BTN2A2: variants seen among roughly 807,000 people sequenced by gnomAD.
BTN2A2 encodes the protein butyrophilin 2.
Under a neutral mutation model 34.7 loss-of-function variants are expected in BTN2A2, and 29 were observed. The observed-to-expected ratio is 0.84, with a 90% CI of 0.62 to 1.14. The LOEUF is 1.14. BTN2A2 is among the 50% of genes most tolerant of loss of function. BTN2A2 has a pLI of 0.00. For missense variants in BTN2A2, 612 were observed against 651.5 expected, an observed-to-expected ratio of 0.94 and a Z score of 0.66; for synonymous variants, 240 against 253.1, an observed-to-expected ratio of 0.95 and a Z score of 0.49.
At position 26,394,497 on chromosome 6, in the gene BTN2A2, T is replaced by A; in HGVS notation, c.*1530T>A. The A allele has an allele frequency of 1.8e-6, 1 of 561,984 alleles. No individual in the cohort carries two copies. Among genetic ancestry groups the A allele is most frequent in the Non-Finnish European group, 3.2e-6 (1 of 313,100 alleles). The allele number at this position is 561,984 out of a possible 1,614,324, so 34.8% of individuals were successfully genotyped here. The stretch of plus-strand genomic sequence containing the variant: ...CTCCTCTGGAGCTGAGACACTCTTC[T>A]TCTTCTGCCCTTGGACATCAGAACT... On this transcript the variant is annotated 3_prime_UTR_variant, in exon 8 of 8. Coordinates refer to ENST00000356709, the MANE Select transcript of BTN2A2 (RefSeq NM_006995.5).
Position 26,392,409 on chromosome 6 carries a change from C to T in BTN2A2, c.1014C>T (p.Pro338=), listed in dbSNP as rs370826490. ...DVVLDPDTAH[P]ELFLSEDRRS... is the part of the protein sequence containing the mutation. ...TCCTGGATCCAGACACCGCTCATCC[C>T]GAGCTCTTCCTGTCAGAGGACCGGA... The change falls in exon 8 of 8, where the codon CCC becomes CCT. Residue 338 remains proline, a synonymous_variant. Coordinates refer to ENST00000356709, the MANE Select transcript of BTN2A2 (RefSeq NM_006995.5). The T allele has an allele frequency of 8.7e-6, 14 of 1,614,094 alleles. No homozygotes were observed. Among genetic ancestry groups the T allele is most frequent in the African/African-American group, 5.3e-5 (4 of 74,926 alleles).
At chr6:26,392,284 T>C (rs1761625296) in intron 7 of BTN2A2, 91 bp from the exon 8 acceptor site, 2 of 1,598,536 alleles carry the variant, frequency 1.3e-6, no homozygotes, top group African/African-American at 1.3e-5. Context: ...GGAACCCCCT[T>C]CAGCTTTCTG....
At position 26,392,566 on chromosome 6, in the gene BTN2A2, G is replaced by T. The variant is rs372254650; in HGVS notation, c.1171G>T (p.Val391Leu). The T allele has an allele frequency of 6.2e-6, 10 of 1,614,108 alleles. No individual in the cohort carries two copies. The East Asian group carries it at 8.9e-5, about 14-fold the overall frequency. Reference sequence around the variant, plus strand: ...TTACTGGGAGGTGGAGGTGGAAAACGTGATGGTGTGGACTGTGGGGGTCTG... The same window carrying T: ...TTACTGGGAGGTGGAGGTGGAAAACTTGATGGTGTGGACTGTGGGGGTCTG... ...KHYWEVEVEN[V>L]MVWTVGVCRH... Residue 391 changes from valine (V) to leucine (L), a missense_variant, in exon 8 of 8, where the codon GTG becomes TTG. Coordinates refer to ENST00000356709, the MANE Select transcript of BTN2A2 (RefSeq NM_006995.5).
rs1391713927 is a variant in BTN2A2, at chr6:26,392,523, C to A, written c.1128C>A (p.Ser376Arg). The A allele has an allele frequency of 5.6e-6, 9 of 1,614,100 alleles. No homozygotes were observed. The highest frequency in any genetic ancestry group is 1.1e-5 in the South Asian group (1 of 91,092). Residue 376 changes from serine (S) to arginine (R), a missense_variant, in exon 8 of 8, where the codon AGC (serine) becomes AGA (arginine). Coordinates refer to ENST00000356709, the MANE Select transcript of BTN2A2 (RefSeq NM_006995.5). The stretch of plus-strand genomic sequence containing the variant: ...AGCCTTGTGTCCTGGGATGGGAGAG[C>A]TTCGCCTCAGGGAAACATTACTGGG... The part of the protein sequence containing the change: ...DSQPCVLGWE[S>R]FASGKHYWEV...
chr6:26,391,319 G>A (rs1761562286), intron 7 of BTN2A2: 1 of 176,732 alleles, frequency 5.7e-6, no homozygotes, highest in Non-Finnish European at 1.2e-5. Context: ...CTCTAAGAGA[G>A]CACTGATATT....
Position 26,393,131 on chromosome 6 carries a change from TCTC to T in BTN2A2, c.*171_*173del. 11 of 1,606,366 alleles carry T rather than the reference TCTC, an allele frequency of 6.8e-6. No individual in the cohort carries two copies. The highest frequency in any genetic ancestry group is 9.4e-6 in the Non-Finnish European group (11 of 1,176,146). On this transcript the variant is annotated 3_prime_UTR_variant, in exon 8 of 8. Coordinates refer to ENST00000356709, the MANE Select transcript of BTN2A2 (RefSeq NM_006995.5). ...CCACTCCAGCCCTCTGCCCCAGTTT[TCTC>T]CTCCTCACTAGTCTGTGGCTTTAGT...
At chr6:26,387,127 G>A (rs1196656769) in intron 3 of BTN2A2, among the ~76,000 whole-genome samples, 1 of 152,164 alleles carries the variant, frequency 6.6e-6, no homozygotes, top group African/African-American at 2.4e-5. Flanking sequence ...TATTTAGGAT[G>A]AGCCTGAATT....
At position 26,392,482 on chromosome 6, in the gene BTN2A2, G is replaced by T; in HGVS notation, c.1087G>T (p.Glu363Ter). Residue 363 changes from glutamate to a stop codon, truncating the protein, a stop_gained, in exon 8 of 8, where the codon GAG becomes TAG. Transcript: ENST00000356709. LOFTEE classifies it low-confidence loss of function (END_TRUNC). ...PYRQRVPDNPERFDSQPCVLG... is the reference protein window; with the variant it reads ...PYRQRVPDNP ...CAGGCAGAGAGTGCCTGACAACCCAGAGAGATTCGACAGTCAGCCTTGTGT... is the reference window on the plus strand; with the variant it reads ...CAGGCAGAGAGTGCCTGACAACCCATAGAGATTCGACAGTCAGCCTTGTGT... 6.2e-7 allele frequency: 1 copy of T among 1,614,260 alleles called. No homozygotes were observed. The highest frequency in any genetic ancestry group is 1.7e-5 in the Admixed American group (1 of 60,028).
rs771070128 is a variant in BTN2A2 at position 26,388,191 on chromosome 6, C to T, written c.621C>T (p.Val207=). ...SIADADGLFM[V]TTAVIIRDKY... ...CTGATGCTGACGGCCTCTTCATGGT[C>T]ACCACAGCTGTGATCATCAGAGACA... is the stretch of plus-strand genomic sequence containing the variant. Residue 207 remains valine, a synonymous_variant, in exon 4 of 8, where the codon GTC becomes GTT. Transcript: ENST00000356709. The T allele has an allele frequency of 6.2e-7, 1 of 1,614,218 alleles. No individual in the cohort carries two copies. The highest frequency in any genetic ancestry group is 1.1e-5 in the South Asian group (1 of 91,086).
Position 26,385,255 on chromosome 6 carries a change from T to C in BTN2A2, c.335T>C (p.Val112Ala). 1 of 1,614,148 alleles carries C rather than the reference T, an allele frequency of 6.2e-7. No homozygotes were observed. The highest frequency in any genetic ancestry group is 8.5e-7 in the Non-Finnish European group (1 of 1,180,028). Residue 112 changes from valine to alanine, a missense_variant, in exon 3 of 8, where the codon GTG becomes GCG. By Grantham distance (64) the Val-to-Ala change is moderately conservative (BLOSUM62 0). Coordinates refer to ENST00000356709, the MANE Select transcript of BTN2A2 (RefSeq NM_006995.5). The part of the protein sequence containing the change: ...FVSKDINRGS[V>A]ALVIHNVTAQ... ...AGCAAAGACATCAACAGGGGCAGCG[T>C]GGCCCTGGTCATACATAACGTCACA...
intron 3 of BTN2A2, among the ~76,000 whole-genome samples, chr6:26,386,653 C>A (rs1308306866): frequency 6.6e-6 from 1 of 152,210 alleles, no homozygotes; most frequent in East Asian, 1.9e-4. Flanking sequence ...GTAAAACCAA[C>A]CCTGTCCTGG....
At chr6:26,389,139 G>A (rs181979617) in intron 4 of BTN2A2, among the ~76,000 whole-genome samples, 3 of 151,922 alleles carry the variant, frequency 2.0e-5, no homozygotes, top group Non-Finnish European at 4.4e-5. Flanking sequence ...AAAAAAGGGA[G>A]CGCGAGAGAG....
Position 26,390,229 on chromosome 6 carries a change from A to G in BTN2A2, c.931+18A>G, listed in dbSNP as rs755081544. ...AATTGCACGTAAGGAATTTGTAAAG[A>G]AAGTGTGGAAAAATAGAAAGAAATT... On this transcript the variant is annotated intron_variant, in intron 5 of 7. Transcript: ENST00000356709. 3.7e-6 allele frequency: 6 copies of G among 1,606,902 alleles called. No homozygotes were observed. Among genetic ancestry groups the G allele is most frequent in the East Asian group, 4.5e-5 (2 of 44,790 alleles).
At chr6:26,389,906 G>T in intron 4 of BTN2A2, 99 bp from the exon 5 acceptor site, 1 of 1,166,644 alleles carries the variant, frequency 8.6e-7, no homozygotes, top group South Asian at 1.5e-5. Context: ...GAAGCCAACA[G>T]AACAGGTGGC....
At position 26,392,456 on chromosome 6, in the gene BTN2A2, A is replaced by G. The variant is rs775364267; in HGVS notation, c.1061A>G (p.Tyr354Cys). The G allele has an allele frequency of 2.6e-5, 42 of 1,614,100 alleles. No individual in the cohort carries two copies. Among genetic ancestry groups the G allele is most frequent in the Non-Finnish European group, 3.3e-5 (39 of 1,180,048 alleles). ...CGGAGAAGTGTGAGGCGGGGCCCCT[A>G]CAGGCAGAGAGTGCCTGACAACCCA... The part of the protein sequence containing the change: ...EDRRSVRRGP[Y>C]RQRVPDNPER... Residue 354 changes from tyrosine to cysteine, a missense_variant, in exon 8 of 8, where the codon TAC becomes TGC. Physicochemically the swap from Tyr to Cys is radical, Grantham distance 194 (BLOSUM62 -2). Transcript: ENST00000356709.
intron 7 of BTN2A2, 43 bp downstream of exon 7, chr6:26,390,872 A>T (rs201272391): frequency 9.3e-6 from 15 of 1,613,204 alleles, no homozygotes; most frequent in African/African-American, 1.3e-5. Context: ...CTTTCTCCCC[A>T]CTAGCCAGCT....
chr6:26,387,434 T>A (rs1214911321), intron 3 of BTN2A2, among the ~76,000 whole-genome samples: 1 of 152,108 alleles, frequency 6.6e-6, no homozygotes, highest in Non-Finnish European at 1.5e-5. Context: ...AAAAAGTTTC[T>A]TAAGATTTAG....
intron 4 of BTN2A2, among the ~76,000 whole-genome samples, chr6:26,388,712 T>G (rs542438475): frequency 1.3e-5 from 2 of 152,326 alleles, no homozygotes; most frequent in African/African-American, 4.8e-5. Context: ...CATTCATAAA[T>G]GTATTCAACA....
Position 26,383,660 on chromosome 6 carries a change from A to C in BTN2A2, c.-30-132A>C. Reference sequence around the variant, plus strand: ...GGAATCCCTCTTTCGGAGATACCTGAGCCTTGAGATGCAAGCGACTCCCAG... The same window carrying C: ...GGAATCCCTCTTTCGGAGATACCTGCGCCTTGAGATGCAAGCGACTCCCAG... On this transcript the variant is annotated intron_variant, in intron 1 of 7. Coordinates refer to ENST00000356709, the MANE Select transcript of BTN2A2 (RefSeq NM_006995.5). The surrounding 1 kb of genome is among the most constrained non-coding windows in gnomAD (Gnocchi z 4.4). 1 of 701,554 alleles carries C rather than the reference A, an allele frequency of 1.4e-6. No homozygotes were observed. The highest frequency in any genetic ancestry group is 2.5e-6 in the Non-Finnish European group (1 of 393,322). 43.5% of individuals were successfully genotyped at this position (701,554 alleles called of 1,614,324 possible). A position where few individuals can be genotyped will look rare whatever the true frequency, so the allele number is the denominator to read the frequency against.
Sources: allele counts gnomAD v4.1 joint callset (sites outside exome capture counted in the v4.1 genomes callset), GRCh38; gene constraint gnomAD v4.1.1; non-coding constraint Gnocchi (gnomAD v3.1); transcripts MANE v1.5; gene names NCBI Gene and HGNC (gene_info 2026-07-23, HGNC 2026-07-21).